The following CEP85L variants were observed in gnomAD, a reference collection of about 807,000 sequenced individuals.
CEP85L encodes the protein centrosomal protein of 85 kDa-like.
Under a neutral mutation model 100.3 loss-of-function variants are expected in CEP85L, and 60 were observed. The ratio of observed to expected loss-of-function variants is 0.60; its 90% confidence interval spans 0.49 to 0.74. CEP85L has a LOEUF of 0.74. Among genes scored for constraint, CEP85L ranks in the 30% least tolerant of loss-of-function variants. The pLI, the probability that CEP85L is intolerant of heterozygous loss-of-function variation, is 0.00. For synonymous variants in CEP85L, 319 were observed against 322.7 expected, an observed-to-expected ratio of 0.99 and a Z score of 0.12; for missense variants, 973 against 936.2, an observed-to-expected ratio of 1.04 and a Z score of -0.51.
chr6:118,517,099 C>T (rs111407448), intron 4 of CEP85L, among the ~76,000 whole-genome samples: 3 of 151,696 alleles, frequency 2.0e-5, no homozygotes, highest in African/African-American at 4.8e-5. Flanking sequence ...CTGTTCCATT[C>T]GTCTATCTGT....
At chr6:118,660,949 G>A (rs1775954185) in intron 1 of CEP85L, among the ~76,000 whole-genome samples, 1 of 151,362 alleles carries the variant, frequency 6.6e-6, no homozygotes, top group African/African-American at 2.4e-5. Context: ...ACAATGGCAT[G>A]ATCTCGGCTC....
At chr6:118,642,494 A>T (rs569496502) in intron 1 of CEP85L, among the ~76,000 whole-genome samples, 1 of 152,218 alleles carries the variant, frequency 6.6e-6, no homozygotes, top group Non-Finnish European at 1.5e-5. Flanking sequence ...AATTAAACTT[A>T]AGCAGTCACT....
At chr6:118,567,873 A>C (rs1410482948) in intron 2 of CEP85L, among the ~76,000 whole-genome samples, 2 of 152,248 alleles carry the variant, frequency 1.3e-5, no homozygotes, top group African/African-American at 4.8e-5. Flanking sequence ...GAAGGAATAT[A>C]AACAGAAGTA....
At chr6:118,471,174 T>A (rs9489407) in intron 10 of CEP85L, among the ~76,000 whole-genome samples, 25,087 of 151,952 alleles carry the variant, frequency 0.17, 2,209 homozygotes, top group Non-Finnish European at 0.19. Flanking sequence ...AGGTCTATTA[T>A]GGGAATTTGA....
chr6:118,483,840 A>T lies in CEP85L; in HGVS notation c.1456T>A (p.Tyr486Asn). The change falls in exon 7 of 13, where the codon TAC (tyrosine) becomes AAC (asparagine). Residue 486 changes from tyrosine to asparagine, a missense_variant. Coordinates refer to ENST00000368491, the MANE Select transcript of CEP85L (RefSeq NM_001042475.3). ...CATTTCTTTTTCAGACTACTGATGTATCGATCTCTAGTTTTAAGCTAAAAG... is the reference window on the plus strand; with the variant it reads ...CATTTCTTTTTCAGACTACTGATGTTTCGATCTCTAGTTTTAAGCTAAAAG... Reference protein sequence around the residue: ...LEEKLKTRDRYISSLKKKCQK... With the variant: ...LEEKLKTRDRNISSLKKKCQK... 7.4e-6 allele frequency: 12 copies of T among 1,613,200 alleles called. No homozygotes were observed. Among genetic ancestry groups the T allele is most frequent in the Non-Finnish European group, 1.0e-5 (12 of 1,179,726 alleles).
chr6:118,652,109 C>CA (rs1775605054), upstream of CEP85L, among the ~76,000 whole-genome samples: 1 of 152,104 alleles, frequency 6.6e-6, no homozygotes, highest in Admixed American at 6.5e-5. Context: ...GGCGTGGGGG[C>CA]AACACAGGCA....
At position 118,481,833 on chromosome 6, in the gene CEP85L, G is replaced by A; in HGVS notation, c.1691C>T (p.Thr564Ile). 6.3e-7 allele frequency: 1 copy of A among 1,598,364 alleles called. No individual in the cohort carries two copies. The highest frequency in any genetic ancestry group is 1.1e-5 in the South Asian group (1 of 88,216). Residue 564 changes from threonine to isoleucine, a missense_variant, in exon 8 of 13, where the codon ACA becomes ATA. Physicochemically the swap from Thr to Ile is moderately conservative, Grantham distance 89 (BLOSUM62 -1). Transcript: ENST00000368491. ...TTTCTTTTTCTGGCATATTAACTGTGTCTCTTTATCTTGACACTGCTTTTT... is the reference window on the plus strand; with the variant it reads ...TTTCTTTTTCTGGCATATTAACTGTATCTCTTTATCTTGACACTGCTTTTT... ...EIKKQCQDKE[T>I]QLICQKKKEK... is the part of the protein sequence containing the mutation.
At chr6:118,496,537 T>C (rs1774939191) in intron 5 of CEP85L, among the ~76,000 whole-genome samples, 1 of 152,056 alleles carries the variant, frequency 6.6e-6, no homozygotes, top group Non-Finnish European at 1.5e-5. Context: ...GTACTTTTAG[T>C]GGAGATTGGG....
intron 10 of CEP85L, among the ~76,000 whole-genome samples, chr6:118,475,556 G>A (rs969470960): frequency 2.0e-5 from 3 of 151,642 alleles, no homozygotes; most frequent in African/African-American, 7.3e-5. Flanking sequence ...AAGTTTCACT[G>A]TGTTAGCCAG....
intron 6 of CEP85L, among the ~76,000 whole-genome samples, chr6:118,484,667 C>A (rs1774044050): frequency 6.6e-6 from 1 of 152,192 alleles, no homozygotes; most frequent in Non-Finnish European, 1.5e-5. Context: ...GTATTCATCT[C>A]TGAAGGAATG....
chr6:118,642,894 C>CA (rs1294479372), intron 1 of CEP85L, among the ~76,000 whole-genome samples: 2 of 151,892 alleles, frequency 1.3e-5, no homozygotes, highest in Admixed American at 6.5e-5. Context: ...GTCTCAAAAA[C>CA]AAAAAAAGCT....
intron 3 of CEP85L, among the ~76,000 whole-genome samples, chr6:118,534,993 C>T (rs1284265485): frequency 6.6e-6 from 1 of 152,166 alleles, no homozygotes; most frequent in East Asian, 1.9e-4. Context: ...TGAGCCACTG[C>T]ACTCCAGCCT....
chr6:118,670,442 G>T (rs2798322), intron 1 of CEP85L, among the ~76,000 whole-genome samples: 75,369 of 150,970 alleles, frequency 0.5, 19,061 homozygotes, highest in Middle Eastern at 0.57. Flanking sequence ...TCCTTTTGTT[G>T]TTGTTGTTGT....
intron 1 of CEP85L, among the ~76,000 whole-genome samples, chr6:118,642,355 T>C (rs1774934004): frequency 6.6e-6 from 1 of 152,180 alleles, no homozygotes; most frequent in Non-Finnish European, 1.5e-5. Flanking sequence ...GAAACTGTGC[T>C]GCTCCAATCC....
intron 5 of CEP85L, among the ~76,000 whole-genome samples, chr6:118,510,443 G>T (rs1281019362): frequency 6.6e-6 from 1 of 151,798 alleles, no homozygotes. Flanking sequence ...ATGTGAATGG[G>T]CCCTTAAATT....
At chr6:118,553,215 TAAAA>T (rs59502810) in intron 3 of CEP85L, among the ~76,000 whole-genome samples, 61 of 138,906 alleles carry the variant, frequency 4.4e-4, no homozygotes, top group Non-Finnish European at 5.9e-4. Context: ...GTTAAGAAAT[TAAAA>T]AAAAAAAAAA....
chr6:118,584,078 G>A (rs1281577461), intron 2 of CEP85L, among the ~76,000 whole-genome samples: 2 of 152,158 alleles, frequency 1.3e-5, no homozygotes, highest in African/African-American at 2.4e-5. Context: ...GTTTGGACAG[G>A]CACTGTCACA....
At chr6:118,477,950 G>C (rs1773506831) in intron 10 of CEP85L, among the ~76,000 whole-genome samples, 1 of 152,072 alleles carries the variant, frequency 6.6e-6, no homozygotes, top group Admixed American at 6.6e-5. Context: ...TTCAAAAACA[G>C]AGCTATAGCA....
intron 3 of CEP85L, among the ~76,000 whole-genome samples, chr6:118,538,874 T>C (rs945279123): frequency 6.6e-6 from 1 of 152,010 alleles, no homozygotes; most frequent in Non-Finnish European, 1.5e-5. Context: ...ATTTAATGAA[T>C]CAATCCCTTG....
Sources: gnomAD v4.1 joint callset for allele counts (sites outside exome capture counted in the v4.1 genomes callset) on GRCh38, gnomAD v4.1.1 for gene constraint, MANE v1.5 for transcripts, NCBI Gene and HGNC (gene_info 2026-07-23, HGNC 2026-07-21) for gene names.